AZU1: variants seen among roughly 807,000 people sequenced by gnomAD.
AZU1 encodes azurocidin.
AZU1 carries 21 observed loss-of-function variants against 17.8 expected under a neutral mutation model. The observed-to-expected ratio is 1.18, with a 90% confidence interval of 0.84 to 1.70. The LOEUF is 1.70. Ranked by LOEUF, AZU1 falls within the 40% of genes most tolerant of loss-of-function variation. The pLI is 0.00. For synonymous variants in AZU1, 178 were observed against 155.2 expected (o/e 1.15, Z -1.09); for missense variants, 379 against 362.9 (o/e 1.04, Z -0.36).
At chr19:830,542 C>T (rs1020997454) in intron 3 of AZU1, among the ~76,000 whole-genome samples, 166 bp from the exon 4 acceptor site, 7 of 152,176 alleles carry the variant, frequency 4.6e-5, no homozygotes, top group Non-Finnish European at 8.8e-5. Context: ...GGCCTCGCAA[C>T]GTGCTGGGAA....
intron 1 of AZU1, 49 bp from the exon 2 acceptor site, chr19:828,181 C>T: frequency 6.5e-7 from 1 of 1,539,826 alleles, no homozygotes; most frequent in East Asian, 2.3e-5. Flanking sequence ...GCCCTCCCGG[C>T]CACTGTGTGG....
In AZU1 at chr19:830,829, G is replaced by A. The variant is rs61732997; in HGVS notation, c.482G>A (p.Gly161Glu). The change falls in exon 4 of 5, where the codon GGG becomes GAG. Residue 161 changes from glycine (G) to glutamate (E), a missense_variant. By Grantham distance (98) the Gly-to-Glu change is moderately conservative. Transcript: ENST00000233997. ...GGCTGGGGGAGCCAGCGCAGTGGGG[G>A]GCGTCTCTCCCGTTTTCCCAGGTTT... ...VAGWGSQRSG[G>E]RLSRFPRFVN... is the part of the protein sequence containing the mutation. 1.1e-4 allele frequency: 176 copies of A among 1,607,982 alleles called. No individual in the cohort carries two copies. The highest frequency in any genetic ancestry group is 1.0e-3 in the African/African-American group (77 of 75,062).
intron 3 of AZU1, among the ~76,000 whole-genome samples, chr19:829,936 ATGTGTG>A (rs59995493): frequency 0.024 from 3,293 of 137,766 alleles, 140 homozygotes; most frequent in African/African-American, 0.083. Flanking sequence ...AAAAATATAT[ATGTGTG>A]TGTGTGTGTG....
chr19:830,615 A>G (rs2035275100), intron 3 of AZU1, 93 bp from the exon 4 acceptor site: 2 of 1,091,146 alleles, frequency 1.8e-6, no homozygotes, highest in Non-Finnish European at 2.6e-6. Flanking sequence ...CTTACAGACT[A>G]CAGTTAATGT....
chr19:829,743 G>C (rs4807873), intron 3 of AZU1, 37 bp downstream of exon 3: 19 of 1,599,742 alleles, frequency 1.2e-5, no homozygotes, highest in Non-Finnish European at 1.5e-5. Flanking sequence ...CCAGCACCTC[G>C]GGAGGCCGAC....
At chr19:828,659 A>C (rs996492195) in intron 2 of AZU1, among the ~76,000 whole-genome samples, 6 of 112,982 alleles carry the variant, frequency 5.3e-5, no homozygotes, top group Admixed American at 2.0e-4. Flanking sequence ...CAGATGGAGG[A>C]GGTGCAGTGA....
chr19:831,802 C>G lies in AZU1; in HGVS notation c.681C>G (p.Asp227Glu), dbSNP rs764172436. ...FSLGPCGRGPDFFTRVALFRD... is the reference protein window; with the variant it reads ...FSLGPCGRGPEFFTRVALFRD... Reference sequence around the variant, plus strand: ...TGGGGCCCTGTGGCCGAGGCCCTGACTTCTTCACCCGAGTGGCGCTCTTCC... The same window carrying G: ...TGGGGCCCTGTGGCCGAGGCCCTGAGTTCTTCACCCGAGTGGCGCTCTTCC... The change falls in exon 5 of 5, where the codon GAC becomes GAG. Residue 227 changes from aspartate (D) to glutamate (E), a missense_variant. By Grantham distance (45) the Asp-to-Glu change is conservative (BLOSUM62 2). Coordinates refer to ENST00000233997, the MANE Select transcript of AZU1 (RefSeq NM_001700.5). 6.2e-7 allele frequency: 1 copy of G among 1,612,718 alleles called. No homozygotes were observed. The highest frequency in any genetic ancestry group is 8.5e-7 in the Non-Finnish European group (1 of 1,179,816).
At position 830,957 on chromosome 19, in the gene AZU1, G is replaced by C. The variant is rs1460491153; in HGVS notation, c.594+16G>C. The C allele has an allele frequency of 6.3e-7, 1 of 1,595,898 alleles. No homozygotes were observed. The highest frequency in any genetic ancestry group is 1.1e-5 in the South Asian group (1 of 90,772). On this transcript the variant is annotated intron_variant, in intron 4 of 4. Coordinates refer to ENST00000233997, the MANE Select transcript of AZU1 (RefSeq NM_001700.5). The stretch of plus-strand genomic sequence containing the variant: ...CATCTGCAATGTGAGTGCTCCCTGT[G>C]GCGGGAGGAGGGGTCCTGAGAGGTA...
chr19:830,653 C>T, intron 3 of AZU1, 55 bp from the exon 4 acceptor site: 1 of 1,443,710 alleles, frequency 6.9e-7, no homozygotes, highest in Admixed American at 2.2e-5. Flanking sequence ...CCAGGGGTCC[C>T]CATGAGGCTC....
chr19:831,719 G>A lies in AZU1; in HGVS notation c.598G>A (p.Asp200Asn). The A allele has an allele frequency of 1.2e-6, 2 of 1,603,400 alleles. No homozygotes were observed. Among genetic ancestry groups the A allele is most frequent in the Non-Finnish European group, 1.7e-6 (2 of 1,175,576 alleles). ...GACACAGCTGCTGCCTGCCCAGGGG[G>A]ACGGGGGCACCCCCCTCGTCTGCGA... The part of the protein sequence containing the change: ...LTRRGGICNG[D>N]GGTPLVCEGL... Residue 200 changes from aspartate to asparagine, a missense_variant, in exon 5 of 5, where the codon GAC becomes AAC. Asp to Asn is a conservative substitution (Grantham distance 23). Coordinates refer to ENST00000233997, the MANE Select transcript of AZU1 (RefSeq NM_001700.5).
chr19:830,813 A>C lies in AZU1; in HGVS notation c.466A>C (p.Ser156Arg), dbSNP rs753183696. 6.2e-7 allele frequency: 1 copy of C among 1,607,124 alleles called. No homozygotes were observed. The highest frequency in any genetic ancestry group is 1.3e-5 in the African/African-American group (1 of 74,896). ...CAGATGCCAGGTGGCCGGCTGGGGG[A>C]GCCAGCGCAGTGGGGGGCGTCTCTC... ...GTRCQVAGWG[S>R]QRSGGRLSRF... The change falls in exon 4 of 5, where the codon AGC (serine) becomes CGC (arginine). Residue 156 changes from serine (S) to arginine (R), a missense_variant. Physicochemically the swap from Ser to Arg is moderately radical, Grantham distance 110 (BLOSUM62 -1). Coordinates refer to ENST00000233997, the MANE Select transcript of AZU1 (RefSeq NM_001700.5).
At position 829,714 on chromosome 19, in the gene AZU1, G is replaced by A. The variant is rs773318245; in HGVS notation, c.360+8G>A. On this transcript the variant is annotated splice_region_variant and intron_variant, in intron 3 of 4. Transcript: ENST00000233997. ...GACCTGATGCTGCTTCAGGTGAGAGGATGGTGCCACCTGTGATCCCAGCAC... is the reference window on the plus strand; with the variant it reads ...GACCTGATGCTGCTTCAGGTGAGAGAATGGTGCCACCTGTGATCCCAGCAC... The A allele has an allele frequency of 1.2e-5, 19 of 1,612,482 alleles. No individual in the cohort carries two copies. The highest frequency in any genetic ancestry group is 1.4e-5 in the Non-Finnish European group (16 of 1,179,506).
At chr19:831,162 C>A in intron 4 of AZU1, 1 of 518,290 alleles carries the variant, frequency 1.9e-6, no homozygotes, top group Non-Finnish European at 3.4e-6. Flanking sequence ...CTCACTGCAA[C>A]CTCCGCCTCC....
At chr19:830,431 T>C (rs2035273222) in intron 3 of AZU1, among the ~76,000 whole-genome samples, 1 of 152,146 alleles carries the variant, frequency 6.6e-6, no homozygotes, top group South Asian at 2.1e-4. Flanking sequence ...TAAAATTATC[T>C]CAAAAATATC....
intron 4 of AZU1, chr19:831,276 C>G (rs1223782076): frequency 2.9e-6 from 1 of 343,756 alleles, no homozygotes; most frequent in Admixed American, 4.6e-5. Context: ...GACAGGGTTT[C>G]TCCATGTGGG....
At chr19:830,645 A>G in intron 3 of AZU1, 63 bp from the exon 4 acceptor site, 4 of 1,380,126 alleles carry the variant, frequency 2.9e-6, no homozygotes, top group Non-Finnish European at 2.9e-6. Context: ...TTCTGCTCCC[A>G]GGGGTCCCCA....
intron 2 of AZU1, among the ~76,000 whole-genome samples, chr19:829,269 GGGAGGGGGTCAGATGGAGGAGGCTCAGA>G (rs2035255616): frequency 6.6e-6 from 1 of 150,438 alleles, no homozygotes; most frequent in African/African-American, 2.4e-5. Context: ...TGCAGAGAAG[GGGAGGGGGTCAGATGGAGGAGGCTCAGA>G]GAAGGGAAGG....
intron 1 of AZU1, 110 bp from the exon 2 acceptor site, chr19:828,120 G>C (rs1025430656): frequency 7.3e-7 from 1 of 1,362,722 alleles, no homozygotes; most frequent in Non-Finnish European, 1.0e-6. Context: ...GGGAGGGTGG[G>C]TCCCCCCGCA....
rs779429626 is a variant in AZU1, at chr19:830,810, G to A, written c.463G>A (p.Gly155Arg). 1 of 1,607,288 alleles carries A rather than the reference G, an allele frequency of 6.2e-7. No individual in the cohort carries two copies. The highest frequency in any genetic ancestry group is 1.1e-5 in the South Asian group (1 of 91,070). Residue 155 changes from glycine (G) to arginine (R), a missense_variant, in exon 4 of 5, where the codon GGG becomes AGG. Coordinates refer to ENST00000233997, the MANE Select transcript of AZU1 (RefSeq NM_001700.5). ...AGTRCQVAGWGSQRSGGRLSR... is the reference protein window; with the variant it reads ...AGTRCQVAGWRSQRSGGRLSR... ...CACCAGATGCCAGGTGGCCGGCTGG[G>A]GGAGCCAGCGCAGTGGGGGGCGTCT...
Sources: allele counts gnomAD v4.1 joint callset (sites outside exome capture counted in the v4.1 genomes callset), GRCh38; gene constraint gnomAD v4.1.1; transcripts MANE v1.5; gene names NCBI Gene and HGNC (gene_info 2026-07-23, HGNC 2026-07-21).